Variants in IKZF2 observed in about 807,000 individuals in gnomAD.
IKZF2 encodes IKAROS family zinc finger 2, also known as zinc finger protein Helios.
Under a neutral mutation model 49.2 loss-of-function variants are expected in IKZF2, and 15 were observed. That is an observed-to-expected ratio of 0.30 (90% CI 0.20 to 0.47). IKZF2 has a LOEUF of 0.47. Among genes scored for constraint, IKZF2 ranks in the 20% least tolerant of loss-of-function variants. The pLI is 1.00. For missense variants in IKZF2, 567 were observed against 664.6 expected (o/e 0.85, Z 1.61); for synonymous variants, 227 against 221.4 (o/e 1.03, Z -0.23).
chr2:213,069,407 A>G (rs959359372), intron 4 of IKZF2, among the ~76,000 whole-genome samples: 3 of 152,132 alleles, frequency 2.0e-5, no homozygotes, highest in Non-Finnish European at 4.4e-5. Context: ...AATGAATGCA[A>G]TTATTTCAGG....
At chr2:213,031,746 C>T (rs755970017) in intron 6 of IKZF2, among the ~76,000 whole-genome samples, 1 of 152,124 alleles carries the variant, frequency 6.6e-6, no homozygotes, top group African/African-American at 2.4e-5. Flanking sequence ...TTATTTTGAA[C>T]ATTGCTAATA....
intron 4 of IKZF2, among the ~76,000 whole-genome samples, chr2:213,086,063 TAAAGA>T (rs532307744): frequency 3.5e-4 from 54 of 152,210 alleles, no homozygotes; most frequent in African/African-American, 1.3e-3. Context: ...TTCACCAAAT[TAAAGA>T]AAACAAAACT....
At chr2:213,060,692 G>T (rs969264986) in intron 4 of IKZF2, among the ~76,000 whole-genome samples, 7 of 151,382 alleles carry the variant, frequency 4.6e-5, no homozygotes, top group African/African-American at 7.3e-5. Flanking sequence ...AATTTAAAAA[G>T]AATTTTGCCA....
rs1354187690 is a variant in IKZF2, at chr2:213,002,091, C to T, written c.*5269G>A. 1 of 151,468 alleles carries T rather than the reference C, an allele frequency of 6.6e-6. No individual in the cohort carries two copies. The highest frequency in any genetic ancestry group is 1.9e-4 in the East Asian group (1 of 5,154). 9.4% of individuals were successfully genotyped at this position (151,468 alleles called of 1,614,324 possible). Reference sequence around the variant, plus strand: ...TTGAAGGCCCAATTCACTGCAAACTCATTTATTTGTACCTATATGAACTTA... The same window carrying T: ...TTGAAGGCCCAATTCACTGCAAACTTATTTATTTGTACCTATATGAACTTA... On this transcript the variant is annotated 3_prime_UTR_variant, in exon 9 of 9. Transcript: ENST00000434687.
intron 8 of IKZF2, among the ~76,000 whole-genome samples, chr2:213,009,711 T>G (rs1251344821): frequency 6.6e-6 from 1 of 152,106 alleles, no homozygotes; most frequent in Non-Finnish European, 1.5e-5. Flanking sequence ...TTAAGGATCA[T>G]TTACAACATA....
intron 4 of IKZF2, among the ~76,000 whole-genome samples, chr2:213,073,773 G>A (rs1279699475): frequency 1.3e-5 from 2 of 152,150 alleles, no homozygotes; most frequent in African/African-American, 2.4e-5. Context: ...GCAGTGGCAC[G>A]ATCTTGGCTC....
intron 4 of IKZF2, among the ~76,000 whole-genome samples, chr2:213,129,716 G>A (rs1168308495): frequency 6.6e-6 from 1 of 152,156 alleles, no homozygotes; most frequent in Non-Finnish European, 1.5e-5. Context: ...ACAAACTACA[G>A]AGAAGCAAGA....
At position 213,002,912 on chromosome 2, in the gene IKZF2, T is replaced by C. The variant is rs917141695; in HGVS notation, c.*4448A>G. Reference sequence around the variant, plus strand: ...AACAAAACAAAAACACAAATTATAATTCAATTCACAGGTAAAGTTTCACTC... The same window carrying C: ...AACAAAACAAAAACACAAATTATAACTCAATTCACAGGTAAAGTTTCACTC... On this transcript the variant is annotated 3_prime_UTR_variant, in exon 9 of 9. Coordinates refer to ENST00000434687, the MANE Select transcript of IKZF2 (RefSeq NM_001387220.1). 1 of 151,960 alleles carries C rather than the reference T, an allele frequency of 6.6e-6. No individual in the cohort carries two copies. Among genetic ancestry groups the C allele is most frequent in the African/African-American group, 2.4e-5 (1 of 41,414 alleles). 9.4% of individuals were successfully genotyped at this position (151,960 alleles called of 1,614,324 possible).
chr2:213,068,912 A>AACACACACAC (rs3069572), intron 4 of IKZF2, among the ~76,000 whole-genome samples: 3,773 of 147,218 alleles, frequency 0.026, 82 homozygotes, highest in African/African-American at 0.05. Context: ...GGAGGGAGAA[A>AACACACACAC]ACACACACAC....
At chr2:213,133,920 T>A (rs2125910732) in intron 4 of IKZF2, among the ~76,000 whole-genome samples, 1 of 152,272 alleles carries the variant, frequency 6.6e-6, no homozygotes, top group South Asian at 2.1e-4. Flanking sequence ...TTTGTTTTTT[T>A]AAGCAAGTTA....
chr2:213,037,697 T>C (rs1261839945), intron 6 of IKZF2, among the ~76,000 whole-genome samples: 1 of 152,204 alleles, frequency 6.6e-6, no homozygotes, highest in Non-Finnish European at 1.5e-5. Flanking sequence ...CAGAATTTGA[T>C]GGATGAAATC....
At chr2:213,089,336 C>T (rs760558941) in intron 4 of IKZF2, among the ~76,000 whole-genome samples, 4 of 152,192 alleles carry the variant, frequency 2.6e-5, no homozygotes, top group Admixed American at 6.6e-5. Context: ...ATCACTTTCA[C>T]GCAGACCTTC....
chr2:213,069,497 T>C (rs1412872845), intron 4 of IKZF2, among the ~76,000 whole-genome samples: 12 of 152,108 alleles, frequency 7.9e-5, no homozygotes, highest in Admixed American at 7.2e-4. Context: ...TCCTAGCAGG[T>C]TGCCTTTGTT....
chr2:213,107,049 T>C (rs1219657287), intron 4 of IKZF2, among the ~76,000 whole-genome samples: 1 of 152,140 alleles, frequency 6.6e-6, no homozygotes, highest in Non-Finnish European at 1.5e-5. Flanking sequence ...ATATCACATA[T>C]AGAAGGACAC....
At chr2:213,064,129 AT>A (rs962176996) in intron 4 of IKZF2, among the ~76,000 whole-genome samples, 2 of 151,686 alleles carry the variant, frequency 1.3e-5, no homozygotes, top group Non-Finnish European at 2.9e-5. Context: ...CCTCCTCTCT[AT>A]TTTTTTAACA....
At chr2:213,062,054 T>C (rs2125418909) in intron 4 of IKZF2, among the ~76,000 whole-genome samples, 1 of 151,682 alleles carries the variant, frequency 6.6e-6, no homozygotes, top group Admixed American at 6.6e-5. Context: ...ATTTTTAAAA[T>C]TTTTAAGAAA....
At chr2:213,109,403 A>G (rs1177114391) in intron 4 of IKZF2, among the ~76,000 whole-genome samples, 1 of 152,084 alleles carries the variant, frequency 6.6e-6, no homozygotes, top group Non-Finnish European at 1.5e-5. Flanking sequence ...CAGGAATAAT[A>G]GATGCTTGCA....
chr2:213,145,049 T>A (rs1284389492), intron 4 of IKZF2, among the ~76,000 whole-genome samples: 1 of 151,670 alleles, frequency 6.6e-6, no homozygotes, highest in Non-Finnish European at 1.5e-5. Flanking sequence ...CTTAGAAGAG[T>A]TACCAAATAG....
intron 2 of IKZF2, among the ~76,000 whole-genome samples, chr2:213,149,467 T>C (rs2061196655): frequency 6.6e-6 from 1 of 152,276 alleles, no homozygotes; most frequent in South Asian, 2.1e-4. Context: ...TTGATTCACA[T>C]AATGAAAAGA....
Sources: allele counts gnomAD v4.1 joint callset (sites outside exome capture counted in the v4.1 genomes callset), GRCh38; gene constraint gnomAD v4.1.1; transcripts MANE v1.5; gene names NCBI Gene and HGNC (gene_info 2026-07-23, HGNC 2026-07-21).